RBFOX2: variants seen among roughly 807,000 people sequenced by gnomAD.
RBFOX2 encodes RNA binding fox-1 homolog 2.
Under a neutral mutation model 49.1 loss-of-function variants are expected in RBFOX2, and 10 were observed. That is an observed-to-expected ratio of 0.20 (90% CI 0.13 to 0.35). The LOEUF is 0.35. Ranked by LOEUF, RBFOX2 falls within the 10% of genes least tolerant of loss-of-function variation. The pLI is 1.00. For missense variants in RBFOX2, 323 were observed against 486.9 expected (o/e 0.66, Z 3.17); for synonymous variants, 183 against 187.4 (o/e 0.98, Z 0.19).
At chr22:35,760,086 A>G (rs779518048) in intron 8 of RBFOX2, 66 bp from the exon 10 acceptor site, 3 of 1,582,324 alleles carry the variant, frequency 1.9e-6, no homozygotes, top group Non-Finnish European at 2.6e-6. Flanking sequence ...CACAGTCACA[A>G]CTTGCTATGA....
chr22:35,846,547 G>A (rs943982815), intron 1 of RBFOX2, among the ~76,000 whole-genome samples: 12 of 151,348 alleles, frequency 7.9e-5, no homozygotes, highest in Admixed American at 1.3e-4. Context: ...GGGAGTTCAA[G>A]ACCAGCCTGA....
chr22:35,953,896 C>G (rs2055250016), intron 1 of RBFOX2, among the ~76,000 whole-genome samples: 1 of 152,092 alleles, frequency 6.6e-6, no homozygotes, highest in Non-Finnish European at 1.5e-5. Flanking sequence ...AGAGCATATA[C>G]ACATTTTTTC....
At chr22:35,877,664 T>A (rs1172034540) in intron 1 of RBFOX2, among the ~76,000 whole-genome samples, 1 of 152,196 alleles carries the variant, frequency 6.6e-6, no homozygotes, top group Non-Finnish European at 1.5e-5. Context: ...CATGGTAACT[T>A]ATCCAATGTC....
upstream of RBFOX2, among the ~76,000 whole-genome samples, chr22:35,842,049 A>T (rs1000816178): frequency 6.6e-6 from 1 of 152,198 alleles, no homozygotes; most frequent in Non-Finnish European, 1.5e-5. Flanking sequence ...AATTTTTAAA[A>T]TTTTAAAATT....
At chr22:35,985,452 A>C (rs1424658687) in intron 1 of RBFOX2, among the ~76,000 whole-genome samples, 1 of 152,170 alleles carries the variant, frequency 6.6e-6, no homozygotes, top group Non-Finnish European at 1.5e-5. Flanking sequence ...TCCAAAAGAG[A>C]ACAGCCACTA....
chr22:35,901,564 C>T (rs1226941304), intron 1 of RBFOX2, among the ~76,000 whole-genome samples: 1 of 152,058 alleles, frequency 6.6e-6, no homozygotes, highest in Admixed American at 6.5e-5. Context: ...TGTGCACTGG[C>T]CAAAACACTG....
At chr22:35,930,024 T>C (rs1781608816) in intron 1 of RBFOX2, among the ~76,000 whole-genome samples, 1 of 147,570 alleles carries the variant, frequency 6.8e-6, no homozygotes, top group Admixed American at 6.7e-5. Flanking sequence ...GAACTTTTTT[T>C]TTTTTTTTTT....
chr22:35,744,631 G>C (rs1931704702), intron 11 of RBFOX2, among the ~76,000 whole-genome samples: 1 of 152,220 alleles, frequency 6.6e-6, no homozygotes, highest in South Asian at 2.1e-4. Context: ...CAGATCACCA[G>C]TTTCTCCTTC....
chr22:35,819,205 C>T (rs1430602163), intron 1 of RBFOX2, among the ~76,000 whole-genome samples: 1 of 152,116 alleles, frequency 6.6e-6, no homozygotes, highest in African/African-American at 2.4e-5. Flanking sequence ...TGAATACCTG[C>T]TTCTGCAGTA....
At chr22:35,894,926 A>C (rs937022735) in intron 1 of RBFOX2, among the ~76,000 whole-genome samples, 19 of 151,764 alleles carry the variant, frequency 1.3e-4, no homozygotes, top group Admixed American at 1.0e-3. Flanking sequence ...ACTGGGGGGC[A>C]AGAGTTTGAG....
chr22:35,840,456 T>C (rs567086306), exon 1 of RBFOX2: 8 of 1,414,502 alleles, frequency 5.7e-6, no homozygotes, highest in Admixed American at 2.9e-5. Context: ...CTCAGGCAGA[T>C]GGCTGAAGGA....
At chr22:35,904,119 T>G (rs2048879770) in intron 1 of RBFOX2, among the ~76,000 whole-genome samples, 1 of 152,104 alleles carries the variant, frequency 6.6e-6, no homozygotes, top group African/African-American at 2.4e-5. Flanking sequence ...AAATCCCTCC[T>G]CGTTCCACCT....
chr22:35,796,339 T>C (rs1369403934), intron 2 of RBFOX2, among the ~76,000 whole-genome samples: 2 of 152,228 alleles, frequency 1.3e-5, no homozygotes, highest in Non-Finnish European at 2.9e-5. Context: ...TATGTGTTAA[T>C]GTAAATAACA....
chr22:36,007,395 T>G (rs893019284), intron 1 of RBFOX2, among the ~76,000 whole-genome samples: 1 of 152,216 alleles, frequency 6.6e-6, no homozygotes, highest in South Asian at 2.1e-4. Flanking sequence ...TATTTTTTAT[T>G]TGTGGTAAGC....
At chr22:35,832,121 C>T (rs1956919540) in intron 1 of RBFOX2, among the ~76,000 whole-genome samples, 1 of 152,208 alleles carries the variant, frequency 6.6e-6, no homozygotes, top group Non-Finnish European at 1.5e-5. Flanking sequence ...CCAGTAATCC[C>T]AGCACTTTGG....
chr22:35,825,081 A>G (rs1389435285), intron 1 of RBFOX2, among the ~76,000 whole-genome samples: 3 of 152,176 alleles, frequency 2.0e-5, no homozygotes, highest in African/African-American at 4.8e-5. Context: ...TTAGCTGGGC[A>G]TGGTGGCATG....
intron 1 of RBFOX2, chr22:35,995,804 C>A: frequency 6.5e-6 from 1 of 152,988 alleles, no homozygotes; most frequent in African/African-American, 2.4e-5. Context: ...TACCCAGTCT[C>A]AGGTAGTTCT....
intron 1 of RBFOX2, among the ~76,000 whole-genome samples, chr22:35,957,657 T>G (rs911337819): frequency 6.6e-6 from 1 of 152,214 alleles, no homozygotes; most frequent in Non-Finnish European, 1.5e-5. Context: ...TTCATTCCCT[T>G]GAGTTTCAAG....
chr22:35,814,704 C>T (rs1403799479), intron 1 of RBFOX2, among the ~76,000 whole-genome samples: 4 of 113,466 alleles, frequency 3.5e-5, no homozygotes, highest in Non-Finnish European at 6.7e-5. Context: ...GAGTGGAACC[C>T]TGTCTCAAAA....
Sources: gnomAD v4.1 joint callset for allele counts (sites outside exome capture counted in the v4.1 genomes callset) on GRCh38, gnomAD v4.1.1 for gene constraint, MANE v1.5 for transcripts, NCBI Gene and HGNC (gene_info 2026-07-23, HGNC 2026-07-21) for gene names.